Variants in C10orf90 observed in about 807,000 individuals in gnomAD.
The protein encoded by C10orf90 is (E2-independent) E3 ubiquitin-conjugating enzyme FATS.
A neutral mutation model predicts 62.5 loss-of-function variants in C10orf90; 56 were observed. The ratio of observed to expected loss-of-function variants is 0.90; its 90% CI spans 0.72 to 1.12. The LOEUF (loss-of-function observed/expected upper bound fraction) is 1.12. C10orf90 is among the 50% of genes most tolerant of loss of function. C10orf90 has a pLI of 0.00. For synonymous variants in C10orf90, 386 were observed against 340.4 expected, an observed-to-expected ratio of 1.13 and a Z score of -1.47; for missense variants, 970 against 880.4, an observed-to-expected ratio of 1.10 and a Z score of -1.29.
chr10:126,667,008 C>T (rs1846643121), intron 1 of C10orf90, among the ~76,000 whole-genome samples: 1 of 149,978 alleles, frequency 6.7e-6, no homozygotes, highest in South Asian at 2.1e-4. Context: ...TATGATTCTA[C>T]TCAGCCAGAA....
At chr10:126,502,602 C>A in intron 4 of C10orf90, 1 of 249,194 alleles carries the variant, frequency 4.0e-6, no homozygotes, top group Non-Finnish European at 8.1e-6. Flanking sequence ...TAATGAAGAG[C>A]CTTTGGTGAA....
chr10:126,533,697 G>C (rs1290043161), intron 2 of C10orf90, among the ~76,000 whole-genome samples: 1 of 152,174 alleles, frequency 6.6e-6, no homozygotes, highest in African/African-American at 2.4e-5. Context: ...CCAAGGCCAG[G>C]TTTGACTTCA....
chr10:126,665,859 C>T lies in C10orf90; in HGVS notation c.240+4382G>A, dbSNP rs557757589. Among the ~76,000 whole-genome samples, 21 of 152,308 alleles carry T rather than the reference C, an allele frequency of 1.4e-4. No homozygotes were observed. The South Asian group carries it at 2.7e-3, about 20-fold the overall frequency. On this transcript the variant is annotated intron_variant, in intron 1 of 9. Transcript: ENST00000488181. ...GAGAATTCCAGCAGCCTGCAGGGAA[C>T]TTCCCAGGTCTTTGCCTGAATACTG...
At chr10:126,557,096 G>A (rs12784273) in intron 2 of C10orf90, among the ~76,000 whole-genome samples, 38,701 of 151,186 alleles carry the variant, frequency 0.26, 5,363 homozygotes, top group East Asian at 0.37. Context: ...CTCAGGTGAT[G>A]AGTCTCTGAT....
At chr10:126,665,919 C>T (rs1404197587) in intron 1 of C10orf90, among the ~76,000 whole-genome samples, 1 of 152,126 alleles carries the variant, frequency 6.6e-6, no homozygotes, top group African/African-American at 2.4e-5. Flanking sequence ...TACCTGAAAC[C>T]AAGAAAAGAA....
In C10orf90 at chr10:126,649,066, CTCTCT is replaced by C. The variant is rs1207340029; in HGVS notation, c.241-2434_241-2430del. 4.2e-3 allele frequency among the ~76,000 whole-genome samples: 202 copies of C among 48,590 alleles called. 1 individual carries two copies. Among genetic ancestry groups the C allele is most frequent in the East Asian group, 6.3e-3 (10 of 1,600 alleles). 31.9% of individuals were successfully genotyped at this position (48,590 alleles called of 152,430 possible). The stretch of plus-strand genomic sequence containing the variant: ...TCTCTCTCTCTCTCTCTCTCTCTCT[CTCTCT>C]CCCCCCCCCCCAGCAATTCACAATG... On this transcript the variant is annotated intron_variant, in intron 1 of 9. Transcript: ENST00000488181.
intron 2 of C10orf90, among the ~76,000 whole-genome samples, chr10:126,519,442 G>T (rs2133935605): frequency 6.6e-6 from 1 of 152,244 alleles, no homozygotes; most frequent in Admixed American, 6.5e-5. Flanking sequence ...AATGGCAAAT[G>T]CCCAGAGGCC....
intron 2 of C10orf90, among the ~76,000 whole-genome samples, chr10:126,586,250 T>C (rs933274257): frequency 1.3e-5 from 2 of 152,228 alleles, no homozygotes; most frequent in Non-Finnish European, 2.9e-5. Context: ...AGGAAATCTC[T>C]TCAAGGAGAA....
intron 2 of C10orf90, among the ~76,000 whole-genome samples, chr10:126,565,249 A>ATATTACATATTATGTAATATAATAT (rs1564874261): frequency 0.041 from 1,094 of 26,820 alleles, 229 homozygotes; most frequent in Middle Eastern, 0.091. Context: ...TATAATATTT[A>ATATTACATATTATGTAATATAATAT]TTATATTATA....
At chr10:126,466,120 T>A (rs1398595179) in intron 4 of C10orf90, among the ~76,000 whole-genome samples, 1 of 152,106 alleles carries the variant, frequency 6.6e-6, no homozygotes, top group African/African-American at 2.4e-5. Flanking sequence ...GACTGCACCA[T>A]GTTTTCAACC....
intron 2 of C10orf90, among the ~76,000 whole-genome samples, chr10:126,574,012 G>A (rs972601016): frequency 3.3e-5 from 5 of 152,126 alleles, no homozygotes; most frequent in African/African-American, 1.2e-4. Flanking sequence ...AATGTATTAT[G>A]TTCTTTGCTC....
At chr10:126,575,050 A>C (rs1844582361) in intron 2 of C10orf90, among the ~76,000 whole-genome samples, 1 of 152,166 alleles carries the variant, frequency 6.6e-6, no homozygotes, top group African/African-American at 2.4e-5. Flanking sequence ...AGCATTAGAA[A>C]GGAAAAAATG....
At chr10:126,529,030 A>G (rs747863870) in intron 2 of C10orf90, among the ~76,000 whole-genome samples, 1 of 152,230 alleles carries the variant, frequency 6.6e-6, no homozygotes, top group Non-Finnish European at 1.5e-5. Flanking sequence ...GAAAAGAATA[A>G]GGAACCCAAA....
At chr10:126,543,925 G>C (rs1864431535) in intron 2 of C10orf90, among the ~76,000 whole-genome samples, 1 of 152,108 alleles carries the variant, frequency 6.6e-6, no homozygotes, top group African/African-American at 2.4e-5. Flanking sequence ...CCACATACCA[G>C]GGTCGCGGTG....
chr10:126,538,618 TCTC>T (rs1864300977), intron 2 of C10orf90, among the ~76,000 whole-genome samples: 1 of 152,190 alleles, frequency 6.6e-6, no homozygotes, highest in South Asian at 2.1e-4. Flanking sequence ...CCTTTCCCCT[TCTC>T]CTATAACTCC....
At chr10:126,555,290 A>C (rs1289501093) in intron 2 of C10orf90, among the ~76,000 whole-genome samples, 1 of 152,144 alleles carries the variant, frequency 6.6e-6, no homozygotes, top group Non-Finnish European at 1.5e-5. Context: ...GAAACAAAAA[A>C]ATAGAGCAGT....
intron 4 of C10orf90, 99 bp from the exon 5 acceptor site, chr10:126,465,085 G>T (rs552684926): frequency 1.3e-4 from 174 of 1,301,140 alleles, no homozygotes; most frequent in African/African-American, 1.8e-4. Context: ...ACAGACTTGG[G>T]GGGGAGTACA....
intron 2 of C10orf90, among the ~76,000 whole-genome samples, chr10:126,559,896 T>C (rs1317694430): frequency 6.6e-6 from 1 of 152,204 alleles, no homozygotes; most frequent in Non-Finnish European, 1.5e-5. Flanking sequence ...CTACTGAAAT[T>C]AGACCCTCAA....
chr10:126,626,176 T>A (rs1267389495), intron 2 of C10orf90, among the ~76,000 whole-genome samples: 1 of 150,300 alleles, frequency 6.7e-6, no homozygotes, highest in Non-Finnish European at 1.5e-5. Flanking sequence ...ACCGTTGATT[T>A]CCTGGTAAAT....
Sources: gnomAD v4.1 joint callset for allele counts (sites outside exome capture counted in the v4.1 genomes callset) on GRCh38, gnomAD v4.1.1 for gene constraint, MANE v1.5 for transcripts, NCBI Gene and HGNC (gene_info 2026-07-23, HGNC 2026-07-21) for gene names.